GIPC2: variants seen among roughly 807,000 people sequenced by gnomAD.
The protein encoded by GIPC2 is PDZ domain-containing protein GIPC2.
In GIPC2, 30 loss-of-function variants were observed where a neutral mutation model predicts 30.6. That is an observed-to-expected ratio of 0.98 (90% CI 0.73 to 1.33). GIPC2 has a LOEUF of 1.33. GIPC2 is among the 40% of genes most tolerant of loss of function. The pLI is 0.00. For missense variants in GIPC2, 414 were observed against 390.3 expected (o/e 1.06, Z -0.51); for synonymous variants, 167 against 150.0 (o/e 1.11, Z -0.83).
intron 3 of GIPC2, chr1:78,112,450 T>C: frequency 1.9e-6 from 1 of 519,048 alleles, no homozygotes; most frequent in South Asian, 1.4e-5. Context: ...ACTGAGCAAC[T>C]TGGATACAGC....
chr1:78,119,328 C>A, intron 3 of GIPC2, 65 bp from the exon 4 acceptor site: 1 of 870,824 alleles, frequency 1.1e-6, no homozygotes, highest in South Asian at 1.5e-5. Context: ...CTACATTAGC[C>A]TTCACAGTAA....
intron 2 of GIPC2, among the ~76,000 whole-genome samples, 189 bp downstream of exon 2, chr1:78,081,049 C>T (rs1336635803): frequency 6.6e-6 from 1 of 152,112 alleles, no homozygotes; most frequent in East Asian, 1.9e-4. Context: ...TTCTTAATTT[C>T]TTCCCTTTAG....
intron 1 of GIPC2, among the ~76,000 whole-genome samples, chr1:78,053,881 T>C (rs2102635975): frequency 6.6e-6 from 1 of 151,648 alleles, no homozygotes; most frequent in East Asian, 1.9e-4. Flanking sequence ...TGAGCTATGA[T>C]TGTGCTGCTA....
intron 1 of GIPC2, among the ~76,000 whole-genome samples, chr1:78,060,209 ATCATCACTTACTGAAGCC>A (rs1661367151): frequency 6.6e-6 from 1 of 151,718 alleles, no homozygotes; most frequent in Non-Finnish European, 1.5e-5. Context: ...ACCCACAGTG[ATCATCACTTACTGAAGCC>A]TCAACCTCCT....
intron 1 of GIPC2, among the ~76,000 whole-genome samples, chr1:78,073,696 G>A (rs575771903): frequency 5.9e-5 from 9 of 152,160 alleles, no homozygotes; most frequent in Admixed American, 1.3e-4. Context: ...ACTTCCTGGC[G>A]TTTTAAACAT....
intron 1 of GIPC2, among the ~76,000 whole-genome samples, chr1:78,048,159 A>G (rs1571467836): frequency 4.6e-5 from 7 of 152,186 alleles, no homozygotes. Flanking sequence ...CAATGGATTT[A>G]TTGGGACATA....
Position 78,106,429 on chromosome 1 carries a change from A to G in GIPC2, c.607+11297A>G, listed in dbSNP as rs575962805. Among the ~76,000 whole-genome samples, 342 of 151,716 alleles carry G rather than the reference A, an allele frequency of 2.3e-3. 5 individuals are homozygous for G. The highest frequency in any genetic ancestry group is 7.3e-3 in the African/African-American group (302 of 41,362). On this transcript the variant is annotated intron_variant, in intron 3 of 5. Transcript: ENST00000370759. ...AAAAAAATTAGCCAGGCATGGTGGCAGGCGCCTGTAGTCCCAGCTACTTGG... is the reference window on the plus strand; with the variant it reads ...AAAAAAATTAGCCAGGCATGGTGGCGGGCGCCTGTAGTCCCAGCTACTTGG...
rs898284806 is a variant in GIPC2 at position 78,138,318 on chromosome 1, C to G, written c.*2575C>G. 6.6e-6 allele frequency: 1 copy of G among 152,196 alleles called. No homozygotes were observed. The highest frequency in any genetic ancestry group is 2.4e-5 in the African/African-American group (1 of 41,450). The allele number at this position is 152,196 out of a possible 1,614,324, so 9.4% of individuals were successfully genotyped here. A position where few individuals can be genotyped will look rare whatever the true frequency, so the allele number is the denominator to read the frequency against. On this transcript the variant is annotated 3_prime_UTR_variant, in exon 6 of 6. Coordinates refer to ENST00000370759, the MANE Select transcript of GIPC2 (RefSeq NM_017655.6). The stretch of plus-strand genomic sequence containing the variant: ...TATAAAAGCAATAATCAGGTAACCT[C>G]TATTTGGAGCTGCTACATCCAATAT...
intron 2 of GIPC2, 187 bp from the exon 3 acceptor site, chr1:78,094,765 G>C (rs1662104622): frequency 4.1e-6 from 2 of 487,394 alleles, no homozygotes; most frequent in African/African-American, 3.8e-5. Flanking sequence ...TGTATTTAAT[G>C]TCTCAAAAGC....
chr1:78,094,772 A>C (rs1199502784), intron 2 of GIPC2, 180 bp from the exon 3 acceptor site: 2 of 501,568 alleles, frequency 4.0e-6, no homozygotes, highest in Non-Finnish European at 7.1e-6. Context: ...AATGTCTCAA[A>C]AGCATAAAAA....
At chr1:78,128,709 T>G (rs1043278473) in intron 5 of GIPC2, among the ~76,000 whole-genome samples, 2 of 152,156 alleles carry the variant, frequency 1.3e-5, no homozygotes, top group African/African-American at 4.8e-5. Context: ...TATGATATAG[T>G]ATTGCTTACA....
At chr1:78,120,477 C>A (rs1235265629) in intron 4 of GIPC2, among the ~76,000 whole-genome samples, 1 of 152,150 alleles carries the variant, frequency 6.6e-6, no homozygotes, top group Non-Finnish European at 1.5e-5. Context: ...CTCCCTCCAC[C>A]CCTCCCACTG....
At chr1:78,054,555 T>G (rs971304467) in intron 1 of GIPC2, among the ~76,000 whole-genome samples, 1 of 152,238 alleles carries the variant, frequency 6.6e-6, no homozygotes, top group African/African-American at 2.4e-5. Context: ...CTCTGTATTT[T>G]CTTTCTAAAT....
At chr1:78,051,136 A>C (rs954344085) in intron 1 of GIPC2, among the ~76,000 whole-genome samples, 1 of 152,152 alleles carries the variant, frequency 6.6e-6, no homozygotes, top group Non-Finnish European at 1.5e-5. Flanking sequence ...GAAAAGACGT[A>C]TAATAAAAAA....
intron 1 of GIPC2, among the ~76,000 whole-genome samples, chr1:78,049,067 C>T (rs1191624196): frequency 1.3e-5 from 2 of 152,214 alleles, no homozygotes; most frequent in Admixed American, 1.3e-4. Flanking sequence ...AAGTAACTCA[C>T]TAAAATGAAA....
chr1:78,058,935 T>C (rs1014477526), intron 1 of GIPC2, among the ~76,000 whole-genome samples: 2 of 152,236 alleles, frequency 1.3e-5, no homozygotes, highest in Non-Finnish European at 2.9e-5. Context: ...AATGCCCATT[T>C]AGCACCAAAG....
intron 3 of GIPC2, among the ~76,000 whole-genome samples, chr1:78,101,640 G>T (rs1662252041): frequency 6.6e-6 from 1 of 152,124 alleles, no homozygotes; most frequent in Admixed American, 6.6e-5. Flanking sequence ...ACTTAACATG[G>T]TTCCCCCTGG....
chr1:78,073,298 T>C (rs1661658150), intron 1 of GIPC2, among the ~76,000 whole-genome samples: 1 of 151,976 alleles, frequency 6.6e-6, no homozygotes, highest in Non-Finnish European at 1.5e-5. Flanking sequence ...GAGACGGGGT[T>C]TCACCATGTT....
rs575327692 is a variant in GIPC2, at chr1:78,081,683, G to C, written c.426+823G>C. On this transcript the variant is annotated intron_variant, in intron 2 of 5. Transcript: ENST00000370759. ...AAAGTTTGAAATGGTGTGAAACTAAGAACTGAGGAGAAAGGTAGTCTCATC... is the reference window on the plus strand; with the variant it reads ...AAAGTTTGAAATGGTGTGAAACTAACAACTGAGGAGAAAGGTAGTCTCATC... 8.5e-5 allele frequency among the ~76,000 whole-genome samples: 13 copies of C among 152,202 alleles called. No homozygotes were observed. In the South Asian group the frequency reaches 2.7e-3, roughly 32 times the overall value.
Sources: gnomAD v4.1 joint callset for allele counts (sites outside exome capture counted in the v4.1 genomes callset) on GRCh38, gnomAD v4.1.1 for gene constraint, MANE v1.5 for transcripts, NCBI Gene and HGNC (gene_info 2026-07-23, HGNC 2026-07-21) for gene names.